CLIC4: variants seen among roughly 807,000 people sequenced by gnomAD.
CLIC4 encodes the protein chloride intracellular channel protein 4.
CLIC4 carries 13 observed loss-of-function variants against 24.6 expected under a neutral mutation model. The observed-to-expected ratio is 0.53, with a 90% CI of 0.34 to 0.84. The LOEUF (loss-of-function observed/expected upper bound fraction) is 0.84. Among genes scored for constraint, CLIC4 ranks in the 40% least tolerant of loss-of-function variants. The pLI, the probability that CLIC4 is intolerant of heterozygous loss-of-function variation, is 0.01. For missense variants in CLIC4, 227 were observed against 301.7 expected (o/e 0.75, Z 1.83); for synonymous variants, 104 against 111.3 (o/e 0.93, Z 0.41).
chr1:24,803,981 A>G (rs1360306023), intron 2 of CLIC4, among the ~76,000 whole-genome samples: 1 of 152,216 alleles, frequency 6.6e-6, no homozygotes, highest in Admixed American at 6.5e-5. Flanking sequence ...ATATCTTAAA[A>G]GGCAGTTAGA....
At chr1:24,782,869 C>A (rs1639221426) in intron 1 of CLIC4, among the ~76,000 whole-genome samples, 1 of 152,102 alleles carries the variant, frequency 6.6e-6, no homozygotes, top group African/African-American at 2.4e-5. Flanking sequence ...TTCCTAGCTA[C>A]TGCAGAGGCT....
chr1:24,762,755 C>T (rs950069961), intron 1 of CLIC4, among the ~76,000 whole-genome samples: 5 of 151,932 alleles, frequency 3.3e-5, no homozygotes, highest in African/African-American at 1.2e-4. Context: ...CATAATACAG[C>T]GGGTAGAAGA....
chr1:24,821,058 GC>G (rs1639725447), intron 3 of CLIC4, among the ~76,000 whole-genome samples: 1 of 152,084 alleles, frequency 6.6e-6, no homozygotes, highest in African/African-American at 2.4e-5. Flanking sequence ...GGTGGCAAGT[GC>G]CTGTAGTCCC....
Position 24,820,067 on chromosome 1 carries a change from G to GTGTGTATATATATA in CLIC4, c.308+5849_308+5850insGTGTATATATATAT, listed in dbSNP as rs1212033050. On this transcript the variant is annotated intron_variant, in intron 3 of 5. Transcript: ENST00000374379. ...TACTTCAAAAAAAAAAAAAAAGTAT[G>GTGTGTATATATATA]TATATATATATGTATATATATATAT... 8.6e-3 allele frequency among the ~76,000 whole-genome samples: 313 copies of GTGTGTATATATATA among 36,416 alleles called. 20 individuals are homozygous for GTGTGTATATATATA. Among genetic ancestry groups the GTGTGTATATATATA allele is most frequent in the East Asian group, 0.048 (41 of 856 alleles). 23.9% of individuals were successfully genotyped at this position (36,416 alleles called of 152,430 possible). A position where few individuals can be genotyped will look rare whatever the true frequency, so the allele number is the denominator to read the frequency against.
chr1:24,758,479 G>T (rs1027948184), intron 1 of CLIC4, among the ~76,000 whole-genome samples: 5 of 150,742 alleles, frequency 3.3e-5, no homozygotes, highest in African/African-American at 1.2e-4. Context: ...TTTTTTTGAG[G>T]CAGAGTCTCA....
chr1:24,763,871 A>G (rs1177927360), intron 1 of CLIC4, among the ~76,000 whole-genome samples: 3 of 152,084 alleles, frequency 2.0e-5, no homozygotes, highest in Non-Finnish European at 4.4e-5. Flanking sequence ...TTTTGCATGT[A>G]TGTCTTATCT....
intron 2 of CLIC4, among the ~76,000 whole-genome samples, chr1:24,805,648 T>A (rs536301425): frequency 5.3e-5 from 8 of 152,256 alleles, no homozygotes; most frequent in Admixed American, 2.6e-4. Flanking sequence ...CCTAGTACTT[T>A]TTTCTTCGTT....
chr1:24,808,226 A>G (rs976701168), intron 2 of CLIC4, among the ~76,000 whole-genome samples: 1 of 152,092 alleles, frequency 6.6e-6, no homozygotes, highest in Non-Finnish European at 1.5e-5. Context: ...GATTATAGAC[A>G]TGAGCCACTG....
intron 1 of CLIC4, among the ~76,000 whole-genome samples, chr1:24,763,508 C>A (rs1366764038): frequency 7.5e-6 from 1 of 133,910 alleles, no homozygotes; most frequent in Non-Finnish European, 1.5e-5. Flanking sequence ...CCACTGCACT[C>A]CATGACAGAG....
chr1:24,790,514 C>CT (rs1397437394), intron 1 of CLIC4, among the ~76,000 whole-genome samples: 4 of 152,152 alleles, frequency 2.6e-5, no homozygotes, highest in African/African-American at 9.7e-5. Flanking sequence ...AGTTTTTTGC[C>CT]TTATACATCT....
rs1309436073 is a variant in CLIC4, at chr1:24,745,490, C to T, written c.-64C>T. The T allele has an allele frequency of 4.1e-6, 6 of 1,472,410 alleles. No homozygotes were observed. Among genetic ancestry groups the T allele is most frequent in the South Asian group, 1.2e-5 (1 of 80,468 alleles). The allele number at this position is 1,472,410 out of a possible 1,614,324, so 91.2% of individuals were successfully genotyped here. The stretch of plus-strand genomic sequence containing the variant: ...GCGGGAACCGGCAGCCGGAGCAGTC[C>T]CGGAGCAGAAGCAGCAGCAGCAGCA... On this transcript the variant is annotated 5_prime_UTR_variant, in exon 1 of 6. Coordinates refer to ENST00000374379, the MANE Select transcript of CLIC4 (RefSeq NM_013943.3).
At chr1:24,786,947 G>A (rs1055355868) in intron 1 of CLIC4, among the ~76,000 whole-genome samples, 2 of 151,906 alleles carry the variant, frequency 1.3e-5, no homozygotes, top group African/African-American at 4.8e-5. Context: ...TGGAGATGGG[G>A]TCTCACTCTG....
At chr1:24,778,282 T>A (rs1360471777) in intron 1 of CLIC4, among the ~76,000 whole-genome samples, 1 of 152,318 alleles carries the variant, frequency 6.6e-6, no homozygotes, top group East Asian at 1.9e-4. Context: ...TGAACCTCAG[T>A]TTCCTCATCT....
intron 1 of CLIC4, among the ~76,000 whole-genome samples, chr1:24,749,737 C>T (rs1638750695): frequency 6.6e-6 from 1 of 151,968 alleles, no homozygotes; most frequent in Admixed American, 6.6e-5. Flanking sequence ...GAGGATGAAT[C>T]TTTTGAGCGC....
intron 5 of CLIC4, 71 bp downstream of exon 5, chr1:24,840,112 G>A (rs937299575): frequency 2.1e-6 from 3 of 1,409,494 alleles, no homozygotes; most frequent in Non-Finnish European, 2.9e-6. Flanking sequence ...CATTTCCTTT[G>A]TGCTCAAAAC....
intron 2 of CLIC4, among the ~76,000 whole-genome samples, chr1:24,798,790 C>T (rs966782769): frequency 9.3e-5 from 14 of 150,552 alleles, no homozygotes; most frequent in African/African-American, 3.4e-4. Context: ...CGAGTGCCTG[C>T]GATTGCAGGC....
At chr1:24,748,024 CAAAAAA>C (rs34000704) in intron 1 of CLIC4, among the ~76,000 whole-genome samples, 1 of 118,160 alleles carries the variant, frequency 8.5e-6, no homozygotes, top group African/African-American at 3.3e-5. Flanking sequence ...GACTTCGTCT[CAAAAAA>C]AAAAAAAAAA....
intron 2 of CLIC4, among the ~76,000 whole-genome samples, chr1:24,805,086 C>CAAAAAAAAAAAAAAAAAAA (rs757976140): frequency 6.4e-5 from 3 of 46,780 alleles, no homozygotes; most frequent in Middle Eastern, 0.014. Flanking sequence ...GACTCCATGT[C>CAAAAAAAAAAAAAAAAAAA]AAAAAAAAAA....
chr1:24,762,171 A>T (rs962677443), intron 1 of CLIC4, among the ~76,000 whole-genome samples: 9 of 152,218 alleles, frequency 5.9e-5, no homozygotes, highest in African/African-American at 2.2e-4. Context: ...TAATCCCAGC[A>T]CTATGGAAGG....
Sources: gnomAD v4.1 joint callset for allele counts (sites outside exome capture counted in the v4.1 genomes callset) on GRCh38, gnomAD v4.1.1 for gene constraint, MANE v1.5 for transcripts, NCBI Gene and HGNC (gene_info 2026-07-23, HGNC 2026-07-21) for gene names.